PARVB: variants seen among roughly 807,000 people sequenced by gnomAD.
The protein encoded by PARVB is parvin beta, also known as beta-parvin.
A neutral mutation model predicts 47.0 loss-of-function variants in PARVB; 46 were observed. The observed-to-expected ratio is 0.98, with a 90% confidence interval of 0.77 to 1.25. The LOEUF (loss-of-function observed/expected upper bound fraction) is 1.25. PARVB is among the 50% of genes most tolerant of loss of function. The pLI, the probability that PARVB is intolerant of heterozygous loss-of-function variation, is 0.00. For synonymous variants in PARVB, 196 were observed against 196.3 expected, an observed-to-expected ratio of 1.00 and a Z score of 0.01; for missense variants, 473 against 471.6, an observed-to-expected ratio of 1.00 and a Z score of -0.03.
intron 1 of PARVB, among the ~76,000 whole-genome samples, chr22:44,039,321 C>T (rs1458071605): frequency 1.3e-5 from 2 of 152,088 alleles, no homozygotes; most frequent in Non-Finnish European, 2.9e-5. Context: ...GAGGCTGAGG[C>T]GGACAGATCA....
chr22:44,026,719 C>T (rs1275391958), intron 1 of PARVB, among the ~76,000 whole-genome samples: 1 of 152,148 alleles, frequency 6.6e-6, no homozygotes, highest in Non-Finnish European at 1.5e-5. Flanking sequence ...GTTTCCACGA[C>T]CCTGCCTGCT....
chr22:44,101,436 T>G, intron 3 of PARVB, among the ~76,000 whole-genome samples: 1 of 147,436 alleles, frequency 6.8e-6, no homozygotes, highest in South Asian at 2.1e-4. Flanking sequence ...AAAAATAAAA[T>G]ATAAAATAAA....
At chr22:44,036,625 C>T (rs2050927120) in intron 1 of PARVB, among the ~76,000 whole-genome samples, 1 of 152,074 alleles carries the variant, frequency 6.6e-6, no homozygotes, top group Non-Finnish European at 1.5e-5. Flanking sequence ...CAAGAGTCAA[C>T]TGTAATGTCT....
chr22:44,061,513 G>A (rs1017530897), intron 1 of PARVB, among the ~76,000 whole-genome samples: 1 of 152,090 alleles, frequency 6.6e-6, no homozygotes, highest in Non-Finnish European at 1.5e-5. Flanking sequence ...TGAAAAACAT[G>A]GCATTAAATA....
intron 5 of PARVB, among the ~76,000 whole-genome samples, chr22:44,132,681 C>G (rs2053354701): frequency 6.6e-6 from 1 of 152,124 alleles, no homozygotes; most frequent in Non-Finnish European, 1.5e-5. Context: ...AGTGGTTGCA[C>G]AAGTCACCTT....
chr22:44,057,433 C>T (rs964716046), intron 1 of PARVB, among the ~76,000 whole-genome samples: 4 of 152,140 alleles, frequency 2.6e-5, no homozygotes, highest in East Asian at 3.9e-4. Flanking sequence ...GGAAGAGGCT[C>T]ATGCTGGATT....
At chr22:44,016,069 C>G (rs540341197) in intron 2 of PARVB, among the ~76,000 whole-genome samples, 2 of 150,720 alleles carry the variant, frequency 1.3e-5, no homozygotes, top group Non-Finnish European at 2.9e-5. Context: ...GAGAGCTCTT[C>G]TCTGTCTTTT....
intron 1 of PARVB, 56 bp from the exon 2 acceptor site, chr22:44,093,872 G>C: frequency 9.1e-7 from 1 of 1,103,728 alleles, no homozygotes; most frequent in Non-Finnish European, 1.4e-6. Flanking sequence ...GCCAACATGT[G>C]AGGCCACGGC....
intron 10 of PARVB, among the ~76,000 whole-genome samples, chr22:44,154,544 TGTGTGTGTGTGTGGTTTATGTAGTCTG>T (rs2053879167): frequency 6.7e-6 from 1 of 149,850 alleles, no homozygotes; most frequent in African/African-American, 2.5e-5. Flanking sequence ...GGTGTGTGTG[TGTGTGTGTGTGTGGTTTATGTAGTCTG>T]GTGTGTGTGT....
In PARVB at chr22:44,118,866, T is replaced by C. The variant is rs548534527; in HGVS notation, c.274-172T>C. Among the ~76,000 whole-genome samples the C allele has an allele frequency of 2.6e-5, 4 of 151,870 alleles. No individual in the cohort carries two copies. In the East Asian group the frequency reaches 7.7e-4, roughly 29 times the overall value. ...GTGCTTGCCCTGTCCTTGTGGTGGC[T>C]GCAGAGCTGTGCAGCCTGGCCCCAG... On this transcript the variant is annotated intron_variant, in intron 3 of 12. Transcript: ENST00000338758.
intron 2 of PARVB, among the ~76,000 whole-genome samples, chr22:44,002,566 G>C (rs2050423552): frequency 1.3e-5 from 2 of 152,128 alleles, no homozygotes; most frequent in South Asian, 4.1e-4. Context: ...GCGCTCCGTG[G>C]GGTGGGTAAG....
intron 3 of PARVB, chr22:44,113,225 A>G (rs1251922047): frequency 1.6e-5 from 2 of 122,720 alleles, no homozygotes; most frequent in South Asian, 4.8e-4. Context: ...CCCTGCACCA[A>G]CACAGATACG....
chr22:44,025,218 G>T (rs1238954836), intron 1 of PARVB, among the ~76,000 whole-genome samples: 1 of 152,028 alleles, frequency 6.6e-6, no homozygotes, highest in East Asian at 1.9e-4. Context: ...GATGGAGAAA[G>T]GCCGGCCTCA....
chr22:44,077,180 G>T (rs1288952983), intron 1 of PARVB, among the ~76,000 whole-genome samples: 1 of 152,180 alleles, frequency 6.6e-6, no homozygotes, highest in Admixed American at 6.5e-5. Context: ...GGAAGTCCAA[G>T]ATCAAGGTGT....
chr22:44,167,153 G>A (rs916277090), intron 12 of PARVB, among the ~76,000 whole-genome samples: 19 of 152,294 alleles, frequency 1.2e-4, no homozygotes, highest in African/African-American at 3.6e-4. Context: ...GGGACCTGGC[G>A]GAGACTCCAG....
rs1222611481 is a variant in PARVB at position 44,068,171 on chromosome 22, C to T, written c.113-25757C>T. Among the ~76,000 whole-genome samples, 1 of 152,188 alleles carries T rather than the reference C, an allele frequency of 6.6e-6. No individual in the cohort carries two copies. Among genetic ancestry groups the T allele is most frequent in the Admixed American group, 6.5e-5 (1 of 15,282 alleles). On this transcript the variant is annotated intron_variant, in intron 1 of 12. Transcript: ENST00000338758. This position sits in a 1 kb window ranked among gnomAD's most constrained non-coding sequence, Gnocchi z 4.1. ...AGCCAGCCTCAGGAAAGAGCTTCCA[C>T]AGGGAGTTGGGGGACTGGTAATTGG... is the stretch of plus-strand genomic sequence containing the variant.
chr22:44,069,632 G>A (rs2051609949), intron 1 of PARVB, among the ~76,000 whole-genome samples: 1 of 152,066 alleles, frequency 6.6e-6, no homozygotes, highest in South Asian at 2.1e-4. Flanking sequence ...AGGTTCAAGT[G>A]ATCCTCCTGC....
intron 1 of PARVB, among the ~76,000 whole-genome samples, chr22:44,051,740 C>A (rs1441790930): frequency 1.3e-5 from 2 of 152,158 alleles, no homozygotes. Context: ...TGTCCAGGTC[C>A]TAGTCTCCAG....
intron 1 of PARVB, among the ~76,000 whole-genome samples, chr22:44,060,607 G>T (rs1483571433): frequency 6.6e-6 from 1 of 151,998 alleles, no homozygotes; most frequent in Non-Finnish European, 1.5e-5. Flanking sequence ...ACTACATTCG[G>T]CATTAATATC....
Sources: gnomAD v4.1 joint callset for allele counts (sites outside exome capture counted in the v4.1 genomes callset) on GRCh38, gnomAD v4.1.1 for gene constraint, Gnocchi (gnomAD v3.1) non-coding constraint, MANE v1.5 for transcripts, NCBI Gene and HGNC (gene_info 2026-07-23, HGNC 2026-07-21) for gene names.